RB1: variants seen among roughly 807,000 people sequenced by gnomAD.
RB1 encodes RB transcriptional corepressor 1, also known as retinoblastoma-associated protein.
In RB1, 18 loss-of-function variants were observed where a neutral mutation model predicts 135.4. The ratio of observed to expected loss-of-function variants is 0.13; its 90% CI spans 0.09 to 0.20. The LOEUF (loss-of-function observed/expected upper bound fraction) is 0.20. Among genes scored for constraint, RB1 ranks in the 10% least tolerant of loss-of-function variants. The probability of loss-of-function intolerance (pLI) is 1.00; values close to 1 mark genes in which losing one functional copy is unlikely to be tolerated. For missense variants in RB1, 868 were observed against 1,110.0 expected (o/e 0.78, Z 3.10); for synonymous variants, 365 against 373.2 (o/e 0.98, Z 0.25).
chr13:48,447,193 G>T (rs1566231077), intron 17 of RB1, among the ~76,000 whole-genome samples: 1 of 152,216 alleles, frequency 6.6e-6, no homozygotes, highest in Non-Finnish European at 1.5e-5. Context: ...CTGGATACAA[G>T]GAGTGATTTA....
chr13:48,363,510 T>C (rs1593445691), intron 8 of RB1, among the ~76,000 whole-genome samples: 1 of 152,160 alleles, frequency 6.6e-6, no homozygotes, highest in African/African-American at 2.4e-5. Flanking sequence ...TGAGACATGA[T>C]TGCACCACTG....
chr13:48,371,770 A>T (rs1241338956), intron 11 of RB1, among the ~76,000 whole-genome samples: 2 of 152,044 alleles, frequency 1.3e-5, no homozygotes, highest in African/African-American at 2.4e-5. Context: ...CTAGACAGAA[A>T]TTGTTAGGTT....
intron 17 of RB1, among the ~76,000 whole-genome samples, chr13:48,418,254 AC>A (rs1948947459): frequency 6.6e-6 from 1 of 151,364 alleles, no homozygotes; most frequent in African/African-American, 2.4e-5. Context: ...GGAATTTTCA[AC>A]CCAGAATTTT....
chr13:48,476,712 G>C lies in RB1; in HGVS notation c.2532G>C (p.Lys844Asn), dbSNP rs2138358920. ...TCTGTAATTTGTAGACTTCTGAGAA[G>C]TTCCAGAAAATAAATCAGATGGTAT... Reference protein sequence around the residue: ...SIGESFGTSEKFQKINQMVCN... With the variant: ...SIGESFGTSENFQKINQMVCN... Residue 844 changes from lysine to asparagine, a missense_variant, in exon 25 of 27, where the codon AAG (lysine) becomes AAC (asparagine). Lys to Asn is a moderately conservative substitution (Grantham distance 94). Transcript: ENST00000267163. 6.2e-7 allele frequency: 1 copy of C among 1,612,972 alleles called. No homozygotes were observed. The highest frequency in any genetic ancestry group is 8.5e-7 in the Non-Finnish European group (1 of 1,179,158).
intron 17 of RB1, among the ~76,000 whole-genome samples, chr13:48,383,991 A>G (rs556718670): frequency 6.6e-6 from 1 of 152,244 alleles, no homozygotes; most frequent in Admixed American, 6.5e-5. Context: ...AGATACAAAA[A>G]AGATAAAGGC....
Position 48,477,420 on chromosome 13 carries a change from A to T in RB1, c.2713+16A>T, listed in dbSNP as rs1949510698. On this transcript the variant is annotated intron_variant, in intron 26 of 26. Transcript: ENST00000267163. ...GCAGAAATGAGTAAGTACTTTTTTC[A>T]CCTTGTGTAAATGAAATAAACAATT... is the stretch of plus-strand genomic sequence containing the variant. 8 of 1,581,784 alleles carry T rather than the reference A, an allele frequency of 5.1e-6. No homozygotes were observed. Among genetic ancestry groups the T allele is most frequent in the Non-Finnish European group, 6.9e-6 (8 of 1,151,368 alleles).
chr13:48,410,358 A>G (rs1302761829), intron 17 of RB1, among the ~76,000 whole-genome samples: 2 of 152,228 alleles, frequency 1.3e-5, no homozygotes, highest in African/African-American at 2.4e-5. Context: ...TTTGTAGCCT[A>G]GAAGCAGTAG....
At chr13:48,451,540 T>G (rs1398776476) in intron 17 of RB1, among the ~76,000 whole-genome samples, 1 of 152,198 alleles carries the variant, frequency 6.6e-6, no homozygotes, top group Non-Finnish European at 1.5e-5. Flanking sequence ...ATTGTGGATT[T>G]TTGCATTGCT....
chr13:48,358,006 G>A (rs1393718893), intron 6 of RB1, among the ~76,000 whole-genome samples: 2 of 152,038 alleles, frequency 1.3e-5, no homozygotes, highest in Non-Finnish European at 2.9e-5. Flanking sequence ...GAATGTAAAG[G>A]GAAAGTGTAA....
intron 17 of RB1, among the ~76,000 whole-genome samples, chr13:48,389,085 G>A (rs1025445978): frequency 1.1e-4 from 16 of 152,034 alleles, no homozygotes; most frequent in Admixed American, 6.6e-4. Flanking sequence ...GCTTGAGCCC[G>A]GGAGGCGGAG....
At chr13:48,358,294 G>T (rs1952610339) in intron 6 of RB1, among the ~76,000 whole-genome samples, 1 of 151,930 alleles carries the variant, frequency 6.6e-6, no homozygotes, top group Admixed American at 6.6e-5. Context: ...CATAATCACT[G>T]TGCTTTTCCC....
intron 5 of RB1, 122 bp downstream of exon 5, chr13:48,347,985 C>T: frequency 1.3e-6 from 1 of 749,562 alleles, no homozygotes; most frequent in Admixed American, 2.4e-5. Context: ...ATAAATTAAG[C>T]CCATAGATTT....
chr13:48,309,341 T>C (rs1016323266), intron 2 of RB1, among the ~76,000 whole-genome samples: 5 of 152,218 alleles, frequency 3.3e-5, no homozygotes, highest in Non-Finnish European at 1.5e-5. Flanking sequence ...GGAATGTGTT[T>C]ATGTATGTCC....
chr13:48,305,950 A>T lies in RB1; in HGVS notation c.138-1330A>T, dbSNP rs534096395. 5.8e-4 allele frequency among the ~76,000 whole-genome samples: 88 copies of T among 152,300 alleles called. 1 individual carries two copies. The highest frequency in any genetic ancestry group is 2.1e-3 in the African/African-American group (86 of 41,564). On this transcript the variant is annotated intron_variant, in intron 1 of 26. Transcript: ENST00000267163. ...ACTGTCACTAGGAACAGCATACCAC[A>T]TTCATTGTTGAAATAATCAAAGGTT...
At chr13:48,328,349 T>A in intron 2 of RB1, 2 of 1,561,488 alleles carry the variant, frequency 1.3e-6, no homozygotes, top group Non-Finnish European at 1.8e-6. Context: ...TTGATCCAAG[T>A]TTGATGGATA....
At chr13:48,408,701 C>T (rs1359884080) in intron 17 of RB1, 1 of 151,974 alleles carries the variant, frequency 6.6e-6, no homozygotes, top group Non-Finnish European at 1.5e-5. Flanking sequence ...ATGAGAAAAC[C>T]ATGTTTGTTA....
At chr13:48,338,926 G>A (rs1593432123) in intron 2 of RB1, among the ~76,000 whole-genome samples, 1 of 152,120 alleles carries the variant, frequency 6.6e-6, no homozygotes, top group Non-Finnish European at 1.5e-5. Context: ...GTTGGAGTTT[G>A]CTGGAGGTTG....
At chr13:48,430,753 CA>C (rs2138276278) in intron 17 of RB1, among the ~76,000 whole-genome samples, 1 of 31,448 alleles carries the variant, frequency 3.2e-5, no homozygotes, top group East Asian at 8.7e-4. Flanking sequence ...AACAAAAAAA[CA>C]AACAAACAAA....
intron 17 of RB1, among the ~76,000 whole-genome samples, chr13:48,383,162 G>A (rs1948549665): frequency 6.6e-6 from 1 of 151,970 alleles, no homozygotes; most frequent in South Asian, 2.1e-4. Flanking sequence ...ATTAAAAAGT[G>A]CATTTTTTTC....
Sources: gnomAD v4.1 joint callset for allele counts (sites outside exome capture counted in the v4.1 genomes callset) on GRCh38, gnomAD v4.1.1 for gene constraint, MANE v1.5 for transcripts, NCBI Gene and HGNC (gene_info 2026-07-23, HGNC 2026-07-21) for gene names.